GRM8: variants seen among roughly 807,000 people sequenced by gnomAD.
The protein encoded by GRM8 is metabotropic glutamate receptor 8.
A neutral mutation model predicts 87.2 loss-of-function variants in GRM8; 47 were observed. The ratio of observed to expected loss-of-function variants is 0.54; its 90% CI spans 0.43 to 0.69. GRM8 has a LOEUF of 0.69. Ranked by LOEUF, GRM8 falls within the 30% of genes least tolerant of loss-of-function variation. The pLI is 0.00. For missense variants in GRM8, 1,019 were observed against 1,139.2 expected, an observed-to-expected ratio of 0.89 and a Z score of 1.52; for synonymous variants, 396 against 404.5, an observed-to-expected ratio of 0.98 and a Z score of 0.25.
At chr7:126,981,739 T>C (rs2131861263) in intron 3 of GRM8, 1 of 152,344 alleles carries the variant, frequency 6.6e-6, no homozygotes, top group Admixed American at 6.5e-5. Flanking sequence ...TGGAGTTCTT[T>C]GGCCTAAGGG....
intron 3 of GRM8, among the ~76,000 whole-genome samples, chr7:126,930,843 T>C (rs960015190): frequency 6.6e-6 from 1 of 152,230 alleles, no homozygotes; most frequent in Non-Finnish European, 1.5e-5. Context: ...TAATCCTTGC[T>C]CTTTGCTATG....
chr7:126,731,746 A>T (rs1813606028), intron 7 of GRM8, among the ~76,000 whole-genome samples: 1 of 152,076 alleles, frequency 6.6e-6, no homozygotes, highest in Non-Finnish European at 1.5e-5. Flanking sequence ...TATTCATATA[A>T]TTTCTATCAT....
chr7:126,701,697 T>C, intron 7 of GRM8: 1 of 565,644 alleles, frequency 1.8e-6, no homozygotes, highest in Non-Finnish European at 3.1e-6. Context: ...TTTTTTAGTT[T>C]TAGAAATCCT....
At chr7:126,568,802 T>C (rs895284794) in intron 8 of GRM8, among the ~76,000 whole-genome samples, 1 of 152,170 alleles carries the variant, frequency 6.6e-6, no homozygotes, top group African/African-American at 2.4e-5. Flanking sequence ...TAGAGCCTAT[T>C]TGGTGACTTC....
At chr7:126,447,625 C>CAAAAA (rs573070402) in intron 9 of GRM8, among the ~76,000 whole-genome samples, 1 of 151,556 alleles carries the variant, frequency 6.6e-6, no homozygotes, top group African/African-American at 2.4e-5. Flanking sequence ...CAAAACAAAA[C>CAAAAA]AAAAAAAACC....
chr7:126,853,066 A>G (rs1470909363), intron 6 of GRM8, among the ~76,000 whole-genome samples: 1 of 152,222 alleles, frequency 6.6e-6, no homozygotes, highest in Non-Finnish European at 1.5e-5. Flanking sequence ...TCATAAATAT[A>G]GGCCACAAGT....
intron 6 of GRM8, among the ~76,000 whole-genome samples, chr7:126,889,082 T>G (rs1800755528): frequency 1.3e-5 from 2 of 152,108 alleles, no homozygotes; most frequent in African/African-American, 4.8e-5. Context: ...AGTACCCATT[T>G]CTAAACATAA....
At chr7:126,465,878 A>G (rs1804437362) in intron 9 of GRM8, among the ~76,000 whole-genome samples, 1 of 151,886 alleles carries the variant, frequency 6.6e-6, no homozygotes, top group Admixed American at 6.6e-5. Context: ...ACAACTAGGC[A>G]TCTTTGCTTT....
intron 6 of GRM8, among the ~76,000 whole-genome samples, chr7:126,861,872 A>G (rs1289773306): frequency 1.3e-5 from 2 of 151,980 alleles, no homozygotes. Context: ...TTTGATCTGT[A>G]ACTGGCCTTT....
intron 8 of GRM8, among the ~76,000 whole-genome samples, chr7:126,550,125 T>C (rs139553365): frequency 4.0e-4 from 60 of 150,156 alleles, no homozygotes; most frequent in African/African-American, 1.5e-3. Context: ...TGTTTTTTTG[T>C]TTTTTTTTCC....
chr7:126,700,433 T>G (rs541798061), intron 7 of GRM8, among the ~76,000 whole-genome samples: 1 of 152,196 alleles, frequency 6.6e-6, no homozygotes, highest in Non-Finnish European at 1.5e-5. Flanking sequence ...AAGTAATCTT[T>G]TTTAATCTCA....
At chr7:126,847,188 C>A (rs1219111390) in intron 6 of GRM8, among the ~76,000 whole-genome samples, 1 of 152,128 alleles carries the variant, frequency 6.6e-6, no homozygotes, top group African/African-American at 2.4e-5. Context: ...AAGTAAGAGA[C>A]TAGAATGAGG....
intron 7 of GRM8, among the ~76,000 whole-genome samples, chr7:126,652,914 C>T (rs1804076407): frequency 6.6e-6 from 1 of 152,076 alleles, no homozygotes; most frequent in African/African-American, 2.4e-5. Context: ...TCAGGAATCT[C>T]TGTAGCTTAG....
At chr7:126,602,968 T>C (rs374594048) in intron 8 of GRM8, among the ~76,000 whole-genome samples, 2,216 of 141,334 alleles carry the variant, frequency 0.016, 47 homozygotes, top group African/African-American at 0.042. Context: ...TTGATGAACA[T>C]TGATGCAAAA....
intron 6 of GRM8, among the ~76,000 whole-genome samples, chr7:126,895,214 A>C (rs1268245681): frequency 6.6e-6 from 1 of 152,074 alleles, no homozygotes. Flanking sequence ...TACTGATTGC[A>C]TGTTTTTGCA....
intron 9 of GRM8, among the ~76,000 whole-genome samples, chr7:126,518,697 T>G (rs951935768): frequency 2.0e-5 from 3 of 152,114 alleles, no homozygotes; most frequent in African/African-American, 7.2e-5. Flanking sequence ...TGCATTAATT[T>G]GCATCTCTCA....
intron 9 of GRM8, among the ~76,000 whole-genome samples, chr7:126,522,866 T>C (rs1362178): frequency 0.8 from 122,240 of 152,128 alleles, 49,263 homozygotes; most frequent in Middle Eastern, 0.88. Flanking sequence ...GACCAGTCAC[T>C]TCTGTGCTTG....
chr7:126,588,173 A>C (rs1420630431), intron 8 of GRM8, among the ~76,000 whole-genome samples: 1 of 152,220 alleles, frequency 6.6e-6, no homozygotes, highest in Non-Finnish European at 1.5e-5. Flanking sequence ...TCAAATGAGA[A>C]CTAGTTACAG....
chr7:126,444,095 A>G (rs1425692713), intron 10 of GRM8, among the ~76,000 whole-genome samples: 3 of 152,054 alleles, frequency 2.0e-5, no homozygotes, highest in African/African-American at 7.2e-5. Flanking sequence ...AAAAAAGAGA[A>G]AAACAGGTAA....
Sources: allele counts gnomAD v4.1 joint callset (sites outside exome capture counted in the v4.1 genomes callset), GRCh38; gene constraint gnomAD v4.1.1; transcripts MANE v1.5; gene names NCBI Gene and HGNC (gene_info 2026-07-23, HGNC 2026-07-21).